HS6ST3: variants seen among roughly 807,000 people sequenced by gnomAD.
HS6ST3 encodes heparan sulfate 6-O-sulfotransferase 3, also known as heparan-sulfate 6-O-sulfotransferase 3.
In HS6ST3, 12 loss-of-function variants were observed where a neutral mutation model predicts 36.7. That is an observed-to-expected ratio of 0.33 (90% CI 0.21 to 0.53). The LOEUF is 0.53. HS6ST3 is among the 20% of genes least tolerant of loss of function. HS6ST3 has a pLI of 0.95. For synonymous variants in HS6ST3, 240 were observed against 257.5 expected (o/e 0.93, Z 0.65); for missense variants, 584 against 640.9 (o/e 0.91, Z 0.96).
At chr13:96,109,885 G>A (rs72638020) in intron 1 of HS6ST3, among the ~76,000 whole-genome samples, 2,021 of 152,288 alleles carry the variant, frequency 0.013, 11 homozygotes, top group Non-Finnish European at 0.021. Flanking sequence ...ACTGGGCTGG[G>A]CATTGGAAAT....
intron 1 of HS6ST3, among the ~76,000 whole-genome samples, chr13:96,260,037 A>T (rs2054656374): frequency 6.6e-6 from 1 of 152,098 alleles, no homozygotes; most frequent in Non-Finnish European, 1.5e-5. Flanking sequence ...ACACAAAATG[A>T]GTCAATAATC....
chr13:96,292,389 G>A (rs969111819), intron 1 of HS6ST3, among the ~76,000 whole-genome samples: 2 of 151,890 alleles, frequency 1.3e-5, no homozygotes, highest in Non-Finnish European at 2.9e-5. Context: ...TCTTTGAGCC[G>A]TGGAGTGATT....
At chr13:96,499,200 A>G (rs2055992006) in intron 1 of HS6ST3, among the ~76,000 whole-genome samples, 1 of 151,860 alleles carries the variant, frequency 6.6e-6, no homozygotes, top group Admixed American at 6.6e-5. Context: ...TAATTCTTAT[A>G]TTTTTAGCAG....
In HS6ST3 at chr13:96,817,288, T is replaced by C. The variant is rs145203082; in HGVS notation, c.708-15202T>C. 3.6e-4 allele frequency among the ~76,000 whole-genome samples: 55 copies of C among 152,280 alleles called. 1 individual carries two copies. In the East Asian group the frequency reaches 9.8e-3, roughly 27 times the overall value. The stretch of plus-strand genomic sequence containing the variant: ...ATTCAGTTTTAACCTTTGGTGAAAT[T>C]TGCAGTGTTGGGATTTTTTATGCTA... On this transcript the variant is annotated intron_variant, in intron 1 of 1. Transcript: ENST00000376705.
intron 1 of HS6ST3, among the ~76,000 whole-genome samples, chr13:96,730,971 A>G (rs1449750100): frequency 2.0e-5 from 3 of 152,136 alleles, no homozygotes; most frequent in African/African-American, 7.2e-5. Context: ...GGCTCAAGCG[A>G]TCCTCCTGAC....
At chr13:96,603,148 A>T (rs770285894) in intron 1 of HS6ST3, among the ~76,000 whole-genome samples, 35 of 152,176 alleles carry the variant, frequency 2.3e-4, no homozygotes, top group Non-Finnish European at 4.3e-4. Flanking sequence ...TCACAATGGG[A>T]CTCTACCTGT....
chr13:96,130,703 A>C (rs2053971351), intron 1 of HS6ST3, among the ~76,000 whole-genome samples: 1 of 152,172 alleles, frequency 6.6e-6, no homozygotes. Context: ...CTATTGGTTA[A>C]GCCTTGGGCT....
intron 1 of HS6ST3, among the ~76,000 whole-genome samples, chr13:96,654,765 A>C (rs2056619028): frequency 6.6e-6 from 1 of 152,112 alleles, no homozygotes; most frequent in Non-Finnish European, 1.5e-5. Flanking sequence ...GCTTGTAAAA[A>C]CTAAATATCC....
chr13:96,431,265 A>T (rs1022590919), intron 1 of HS6ST3, among the ~76,000 whole-genome samples: 13 of 148,526 alleles, frequency 8.8e-5, no homozygotes, highest in African/African-American at 3.2e-4. Context: ...CAAATAAACC[A>T]AAACCAAAAC....
intron 1 of HS6ST3, among the ~76,000 whole-genome samples, chr13:96,468,989 C>A (rs1310145605): frequency 6.6e-6 from 1 of 151,696 alleles, no homozygotes; most frequent in Non-Finnish European, 1.5e-5. Context: ...AAATATTTTT[C>A]TAATGAAAAT....
intron 1 of HS6ST3, among the ~76,000 whole-genome samples, chr13:96,316,267 G>A (rs2054969301): frequency 1.9e-5 from 1 of 51,732 alleles, no homozygotes; most frequent in African/African-American, 7.2e-5. Context: ...CTGTGTGTGT[G>A]TGTGTGTGTG....
intron 1 of HS6ST3, among the ~76,000 whole-genome samples, chr13:96,506,175 G>A (rs189196212): frequency 7.0e-4 from 106 of 152,156 alleles, no homozygotes; most frequent in Non-Finnish European, 1.3e-3. Context: ...TGAAACCGCC[G>A]TATAGTTGGC....
chr13:96,231,746 T>C (rs1195076210), intron 1 of HS6ST3, among the ~76,000 whole-genome samples: 1 of 152,192 alleles, frequency 6.6e-6, no homozygotes, highest in African/African-American at 2.4e-5. Context: ...GACGTTTTTC[T>C]GGAACTGGCT....
intron 1 of HS6ST3, among the ~76,000 whole-genome samples, chr13:96,676,884 C>G (rs1013015051): frequency 4.6e-5 from 7 of 152,128 alleles, no homozygotes; most frequent in Non-Finnish European, 8.8e-5. Flanking sequence ...CTAGCATCCT[C>G]TCCTTGGGTG....
In HS6ST3 at chr13:96,160,595, C is replaced by T. The variant is rs545381887; in HGVS notation, c.707+69026C>T. 1.6e-4 allele frequency among the ~76,000 whole-genome samples: 25 copies of T among 152,260 alleles called. No individual in the cohort carries two copies. The Middle Eastern group carries it at 0.01, about 62-fold the overall frequency. ...GAATGCTGCTACCAAGTTTCTTTCT[C>T]GTGACCCCGAGTTCATTTAACTTCC... On this transcript the variant is annotated intron_variant, in intron 1 of 1. Transcript: ENST00000376705.
chr13:96,407,057 A>T (rs1200949216), intron 1 of HS6ST3, among the ~76,000 whole-genome samples: 2 of 152,246 alleles, frequency 1.3e-5, no homozygotes, highest in African/African-American at 4.8e-5. Context: ...ATTTATAAAA[A>T]GTTATATCAT....
chr13:96,153,949 A>G (rs2054099015), intron 1 of HS6ST3, among the ~76,000 whole-genome samples: 2 of 152,164 alleles, frequency 1.3e-5, no homozygotes, highest in South Asian at 4.1e-4. Flanking sequence ...ATTCCACCCC[A>G]TTGCTAGCTG....
intron 1 of HS6ST3, among the ~76,000 whole-genome samples, chr13:96,370,602 T>C (rs982789586): frequency 6.6e-6 from 1 of 152,246 alleles, no homozygotes; most frequent in Non-Finnish European, 1.5e-5. Context: ...TTTGTCTTCA[T>C]CACTCCCATT....
intron 1 of HS6ST3, among the ~76,000 whole-genome samples, chr13:96,751,645 A>G (rs1256299005): frequency 6.6e-6 from 1 of 152,086 alleles, no homozygotes. Flanking sequence ...CTGGACTCCT[A>G]ATGTGTTCCA....
Sources: gnomAD v4.1 joint callset for allele counts (sites outside exome capture counted in the v4.1 genomes callset) on GRCh38, gnomAD v4.1.1 for gene constraint, MANE v1.5 for transcripts, NCBI Gene and HGNC (gene_info 2026-07-23, HGNC 2026-07-21) for gene names.